Variants in ZFAND3 observed in about 807,000 individuals in gnomAD.
ZFAND3 encodes the protein AN1-type zinc finger protein 3.
In ZFAND3, 10 loss-of-function variants were observed where a neutral mutation model predicts 29.6. The observed-to-expected ratio is 0.34, with a 90% CI of 0.21 to 0.57. ZFAND3 has a LOEUF of 0.57. Ranked by LOEUF, ZFAND3 falls within the 20% of genes least tolerant of loss-of-function variation. ZFAND3 has a pLI of 0.86. For missense variants in ZFAND3, 230 were observed against 304.5 expected, an observed-to-expected ratio of 0.76 and a Z score of 1.82; for synonymous variants, 128 against 112.6, an observed-to-expected ratio of 1.14 and a Z score of -0.87.
At chr6:38,071,278 G>C (rs1458528580) in intron 3 of ZFAND3, among the ~76,000 whole-genome samples, 1 of 151,860 alleles carries the variant, frequency 6.6e-6, no homozygotes, top group African/African-American at 2.4e-5. Flanking sequence ...GTCTTTCTTA[G>C]AAGGCTGTCT....
At chr6:37,828,453 A>G (rs1219273755) in intron 1 of ZFAND3, among the ~76,000 whole-genome samples, 1 of 152,210 alleles carries the variant, frequency 6.6e-6, no homozygotes, top group African/African-American at 2.4e-5. Flanking sequence ...TCGTCTCCTG[A>G]AAAGATTTAC....
chr6:37,877,744 A>G (rs968353551), intron 1 of ZFAND3, among the ~76,000 whole-genome samples: 5 of 152,348 alleles, frequency 3.3e-5, no homozygotes, highest in Middle Eastern at 3.4e-3. Flanking sequence ...TCCAAACACT[A>G]CAAAGTACTA....
chr6:38,084,304 C>T (rs895378128), intron 4 of ZFAND3, among the ~76,000 whole-genome samples: 4 of 152,164 alleles, frequency 2.6e-5, no homozygotes, highest in African/African-American at 9.7e-5. Flanking sequence ...GGTTTCAGAT[C>T]TAAGCTTAGC....
chr6:38,110,774 G>T (rs1248281594), intron 4 of ZFAND3, among the ~76,000 whole-genome samples: 1 of 152,182 alleles, frequency 6.6e-6, no homozygotes. Flanking sequence ...TCTTCTCTTT[G>T]TTGCCGCATT....
At chr6:38,115,799 C>T (rs144049194) in intron 4 of ZFAND3, among the ~76,000 whole-genome samples, 70 of 151,780 alleles carry the variant, frequency 4.6e-4, no homozygotes, top group African/African-American at 1.3e-3. Context: ...AGCTTTGTTG[C>T]GTCTTAATTA....
At chr6:37,912,254 G>A (rs1278852035) in intron 1 of ZFAND3, among the ~76,000 whole-genome samples, 1 of 152,042 alleles carries the variant, frequency 6.6e-6, no homozygotes, top group Non-Finnish European at 1.5e-5. Context: ...TGATCCCAGT[G>A]CTTTTTAATA....
At chr6:38,073,324 T>G (rs2127467808) in intron 3 of ZFAND3, among the ~76,000 whole-genome samples, 1 of 149,526 alleles carries the variant, frequency 6.7e-6, no homozygotes, top group Non-Finnish European at 1.5e-5. Context: ...TCTTGCTAGC[T>G]GAACTATGTT....
chr6:37,846,472 C>T (rs1489702905), intron 1 of ZFAND3, among the ~76,000 whole-genome samples: 1 of 152,152 alleles, frequency 6.6e-6, no homozygotes, highest in African/African-American at 2.4e-5. Context: ...ATGAAGAAAG[C>T]CATCGAGCAC....
At chr6:37,995,585 A>G (rs1762836233) in intron 2 of ZFAND3, among the ~76,000 whole-genome samples, 2 of 152,204 alleles carry the variant, frequency 1.3e-5, no homozygotes, top group African/African-American at 2.4e-5. Flanking sequence ...TAAGAATTCA[A>G]TTGATGTTTA....
At chr6:37,914,758 C>T (rs1414932552) in intron 1 of ZFAND3, among the ~76,000 whole-genome samples, 2 of 150,238 alleles carry the variant, frequency 1.3e-5, no homozygotes, top group Non-Finnish European at 2.9e-5. Context: ...GCCTCGGCCT[C>T]CCAAAGTGCT....
At chr6:37,899,256 C>G (rs953848268) in intron 1 of ZFAND3, among the ~76,000 whole-genome samples, 13 of 152,188 alleles carry the variant, frequency 8.5e-5, no homozygotes, top group African/African-American at 3.1e-4. Context: ...CACCACTAAT[C>G]TTTTTGATTC....
At chr6:38,124,367 A>G (rs567211967) in intron 5 of ZFAND3, among the ~76,000 whole-genome samples, 1 of 152,300 alleles carries the variant, frequency 6.6e-6, no homozygotes, top group Non-Finnish European at 1.5e-5. Context: ...ACCGGGCGCC[A>G]TGGAGCAGGG....
At chr6:37,867,772 TTTG>T (rs1764615302) in intron 1 of ZFAND3, among the ~76,000 whole-genome samples, 1 of 152,236 alleles carries the variant, frequency 6.6e-6, no homozygotes, top group Admixed American at 6.5e-5. Flanking sequence ...CAAAGTATGC[TTTG>T]TAGGAGGGAC....
intron 1 of ZFAND3, among the ~76,000 whole-genome samples, chr6:37,851,594 CAA>C (rs1161838754): frequency 1.3e-5 from 2 of 152,106 alleles, no homozygotes; most frequent in African/African-American, 2.4e-5. Flanking sequence ...CTGAAGATCT[CAA>C]AGTGTTGTTG....
intron 2 of ZFAND3, among the ~76,000 whole-genome samples, chr6:38,010,904 CTTTTTTTT>C: frequency 7.6e-6 from 1 of 131,088 alleles, no homozygotes; most frequent in East Asian, 2.2e-4. Flanking sequence ...CCCGGCCCAA[CTTTTTTTT>C]TTTTTTTTTT....
intron 1 of ZFAND3, among the ~76,000 whole-genome samples, chr6:37,917,055 T>G (rs1375952714): frequency 6.6e-6 from 1 of 152,228 alleles, no homozygotes; most frequent in East Asian, 1.9e-4. Context: ...GACATAGTGT[T>G]AAAATTGTTC....
chr6:38,015,486 G>A (rs986761906), intron 2 of ZFAND3, among the ~76,000 whole-genome samples: 2 of 152,132 alleles, frequency 1.3e-5, no homozygotes, highest in Admixed American at 6.5e-5. Context: ...AAGGAGTCAG[G>A]TACAAGAGTA....
intron 2 of ZFAND3, among the ~76,000 whole-genome samples, chr6:37,934,088 A>T (rs1274946244): frequency 6.6e-6 from 1 of 151,532 alleles, no homozygotes; most frequent in African/African-American, 2.4e-5. Context: ...GAGTTTCTCC[A>T]TGTTGGTCAC....
intron 2 of ZFAND3, among the ~76,000 whole-genome samples, chr6:37,958,262 A>G (rs908132747): frequency 6.6e-6 from 1 of 152,064 alleles, no homozygotes; most frequent in South Asian, 2.1e-4. Flanking sequence ...GAGACCAGCC[A>G]GGCCAACATG....
Sources: allele counts gnomAD v4.1 joint callset (sites outside exome capture counted in the v4.1 genomes callset), GRCh38; gene constraint gnomAD v4.1.1; transcripts MANE v1.5; gene names NCBI Gene and HGNC (gene_info 2026-07-23, HGNC 2026-07-21).